Variants in CAMKMT observed in about 807,000 individuals in gnomAD.
CAMKMT encodes the protein CaM KMT.
Under a neutral mutation model 48.0 loss-of-function variants are expected in CAMKMT, and 53 were observed. The ratio of observed to expected loss-of-function variants is 1.10; its 90% confidence interval spans 0.89 to 1.39. The LOEUF is 1.39. Ranked by LOEUF, CAMKMT falls within the 40% of genes most tolerant of loss-of-function variation. The pLI is 0.00. For synonymous variants in CAMKMT, 165 were observed against 152.3 expected, an observed-to-expected ratio of 1.08 and a Z score of -0.61; for missense variants, 428 against 402.7, an observed-to-expected ratio of 1.06 and a Z score of -0.54.
At chr2:44,760,838 C>T (rs1038089278) in intron 9 of CAMKMT, among the ~76,000 whole-genome samples, 2 of 152,076 alleles carry the variant, frequency 1.3e-5, no homozygotes, top group African/African-American at 4.8e-5. Context: ...CCAATATCCA[C>T]CTGGAATCAT....
intron 3 of CAMKMT, among the ~76,000 whole-genome samples, chr2:44,440,087 A>G (rs78896747): frequency 0.018 from 2,767 of 152,258 alleles, 98 homozygotes; most frequent in African/African-American, 0.063. Context: ...TTAGAGGTAA[A>G]GAGTGTTGAA....
At chr2:44,527,787 C>CT (rs1221666362) in intron 3 of CAMKMT, among the ~76,000 whole-genome samples, 1 of 101,444 alleles carries the variant, frequency 9.9e-6, no homozygotes, top group Non-Finnish European at 2.1e-5. Flanking sequence ...TGTGTACAGC[C>CT]CCCCCCCCCA....
intron 3 of CAMKMT, among the ~76,000 whole-genome samples, chr2:44,674,575 G>A (rs574780765): frequency 5.3e-5 from 8 of 152,288 alleles, no homozygotes; most frequent in Non-Finnish European, 8.8e-5. Flanking sequence ...AGACTGCTGC[G>A]AAGCCCCCAA....
intron 3 of CAMKMT, among the ~76,000 whole-genome samples, chr2:44,590,137 C>T (rs1670172268): frequency 6.6e-6 from 1 of 151,782 alleles, no homozygotes; most frequent in Non-Finnish European, 1.5e-5. Flanking sequence ...TCTTCCCATA[C>T]TGCATTGGCT....
At chr2:44,720,222 T>G (rs1026636905) in intron 7 of CAMKMT, among the ~76,000 whole-genome samples, 2 of 152,328 alleles carry the variant, frequency 1.3e-5, no homozygotes, top group African/African-American at 4.8e-5. Context: ...TGCTGTATTT[T>G]TAGGGACCCT....
intron 3 of CAMKMT, among the ~76,000 whole-genome samples, chr2:44,428,344 C>G (rs554189399): frequency 5.9e-5 from 9 of 152,342 alleles, no homozygotes; most frequent in Non-Finnish European, 7.3e-5. Context: ...GTTCAGCTGC[C>G]TCTTCTCTTC....
chr2:44,372,601 A>T (rs1292182163), intron 1 of CAMKMT, 115 bp from the exon 2 acceptor site: 4 of 774,280 alleles, frequency 5.2e-6, no homozygotes, highest in Non-Finnish European at 8.3e-6. Flanking sequence ...GAATTATCTA[A>T]TCTGTCATTA....
In CAMKMT at chr2:44,477,005, T is replaced by A. The variant is rs536149724; in HGVS notation, c.376+86700T>A. ...CAGTCATATCAATGGTAGTTCTGGG[T>A]TATAGTCTCAGAGACATCATTACTA... is the stretch of plus-strand genomic sequence containing the variant. On this transcript the variant is annotated intron_variant, in intron 3 of 10. Coordinates refer to ENST00000378494, the MANE Select transcript of CAMKMT (RefSeq NM_024766.5). Among the ~76,000 whole-genome samples the A allele has an allele frequency of 2.0e-5, 3 of 152,294 alleles. No individual in the cohort carries two copies. In the South Asian group the frequency reaches 6.2e-4, roughly 32 times the overall value.
At chr2:44,419,254 A>G (rs532342716) in intron 3 of CAMKMT, among the ~76,000 whole-genome samples, 2 of 152,340 alleles carry the variant, frequency 1.3e-5, no homozygotes, top group Admixed American at 1.3e-4. Flanking sequence ...ATGTGGACCT[A>G]AGATGATGCC....
At position 44,569,456 on chromosome 2, in the gene CAMKMT, G is replaced by A. The variant is rs1668792194; in HGVS notation, c.377-134827G>A. Among the ~76,000 whole-genome samples, 3 of 151,968 alleles carry A rather than the reference G, an allele frequency of 2.0e-5. No homozygotes were observed. The South Asian group carries it at 6.2e-4, about 32-fold the overall frequency. On this transcript the variant is annotated intron_variant, in intron 3 of 10. Transcript: ENST00000378494. ...TTTTTTATTTTAAAAATGAGTTTTT[G>A]TTTAATAACCTTACATTCCCAATCT...
At chr2:44,487,636 T>A (rs1051920459) in intron 3 of CAMKMT, among the ~76,000 whole-genome samples, 1 of 152,242 alleles carries the variant, frequency 6.6e-6, no homozygotes, top group Non-Finnish European at 1.5e-5. Context: ...ATTCTTCCTT[T>A]TGTACTGGTC....
At chr2:44,654,159 A>C (rs773486090) in intron 3 of CAMKMT, among the ~76,000 whole-genome samples, 1 of 152,230 alleles carries the variant, frequency 6.6e-6, no homozygotes, top group African/African-American at 2.4e-5. Context: ...AAACATTTCA[A>C]ATAGGATTCC....
chr2:44,492,800 C>T (rs913321998), intron 3 of CAMKMT, among the ~76,000 whole-genome samples: 2 of 151,874 alleles, frequency 1.3e-5, no homozygotes, highest in Non-Finnish European at 2.9e-5. Flanking sequence ...GCATTTGTTC[C>T]TACTTTAAGG....
In CAMKMT at chr2:44,478,333, A is replaced by C. The variant is rs1309929492; in HGVS notation, c.376+88028A>C. ...TCTTGCCACCATTTGCTGTGATTAC[A>C]GATATAGGTTTAGAGTTTAGCCTTT... On this transcript the variant is annotated intron_variant, in intron 3 of 10. Coordinates refer to ENST00000378494, the MANE Select transcript of CAMKMT (RefSeq NM_024766.5). 3.3e-4 allele frequency among the ~76,000 whole-genome samples: 50 copies of C among 152,108 alleles called. 1 individual carries two copies. Among genetic ancestry groups the C allele is most frequent in the Admixed American group, 3.3e-3 (50 of 15,268 alleles).
chr2:44,496,261 T>A (rs185509434), intron 3 of CAMKMT, among the ~76,000 whole-genome samples: 1 of 152,312 alleles, frequency 6.6e-6, no homozygotes, highest in African/African-American at 2.4e-5. Context: ...TACTGTCTTA[T>A]AACAATAAAG....
intron 3 of CAMKMT, among the ~76,000 whole-genome samples, chr2:44,659,308 G>T (rs991808794): frequency 2.6e-5 from 4 of 151,742 alleles, no homozygotes; most frequent in African/African-American, 9.7e-5. Flanking sequence ...ATGCCTGTAG[G>T]CCCAGCTACT....
chr2:44,705,348 A>G (rs1378288083), intron 4 of CAMKMT: 1 of 985,208 alleles, frequency 1.0e-6, no homozygotes, highest in Non-Finnish European at 1.2e-6. Flanking sequence ...GGAAGAGGAA[A>G]CAATCCTAAG....
At chr2:44,650,203 T>A (rs1241974380) in intron 3 of CAMKMT, among the ~76,000 whole-genome samples, 1 of 152,178 alleles carries the variant, frequency 6.6e-6, no homozygotes, top group African/African-American at 2.4e-5. Context: ...CGTCACTGCC[T>A]CCTTGTAGCT....
chr2:44,519,983 G>C (rs1012310751), intron 3 of CAMKMT, among the ~76,000 whole-genome samples: 5 of 151,798 alleles, frequency 3.3e-5, no homozygotes, highest in Admixed American at 6.6e-5. Context: ...AGGCTGAGGC[G>C]GGCGGATCAC....
Sources: allele counts gnomAD v4.1 joint callset (sites outside exome capture counted in the v4.1 genomes callset), GRCh38; gene constraint gnomAD v4.1.1; transcripts MANE v1.5; gene names NCBI Gene and HGNC (gene_info 2026-07-23, HGNC 2026-07-21).